Variants in ACACA observed in about 807,000 individuals in gnomAD.
ACACA encodes the protein acetyl-CoA carboxylase 1.
Under a neutral mutation model 296.1 loss-of-function variants are expected in ACACA, and 103 were observed. The observed-to-expected ratio is 0.35, with a 90% CI of 0.30 to 0.41. The LOEUF is 0.41. Ranked by LOEUF, ACACA falls within the 10% of genes least tolerant of loss-of-function variation. The pLI, the probability that ACACA is intolerant of heterozygous loss-of-function variation, is 1.00. For synonymous variants in ACACA, 953 were observed against 1,038.6 expected, an observed-to-expected ratio of 0.92 and a Z score of 1.58; for missense variants, 1,554 against 2,989.7, an observed-to-expected ratio of 0.52 and a Z score of 11.20.
intron 41 of ACACA, among the ~76,000 whole-genome samples, chr17:37,163,597 C>G (rs1458971184): frequency 1.3e-5 from 2 of 152,176 alleles, no homozygotes; most frequent in Admixed American, 6.6e-5. Context: ...TTGTACTGTC[C>G]TCTAGCATTT....
intron 52 of ACACA, among the ~76,000 whole-genome samples, chr17:37,099,398 G>C (rs560671336): frequency 1.8e-4 from 28 of 152,188 alleles, no homozygotes; most frequent in Non-Finnish European, 2.4e-4. Context: ...CCCACACTAA[G>C]GGATGACACA....
chr17:37,199,929 C>T (rs1352585260), intron 35 of ACACA, among the ~76,000 whole-genome samples: 1 of 151,842 alleles, frequency 6.6e-6, no homozygotes, highest in African/African-American at 2.4e-5. Context: ...GTTGCCCAGG[C>T]TCATCTCAAA....
chr17:37,311,515 A>G (rs1364442929), intron 3 of ACACA, among the ~76,000 whole-genome samples: 1 of 152,174 alleles, frequency 6.6e-6, no homozygotes, highest in African/African-American at 2.4e-5. Context: ...AGGTGTTAGA[A>G]GAATTACTAG....
chr17:37,394,601 G>A (rs1390199493), intron 1 of ACACA, among the ~76,000 whole-genome samples: 1 of 151,452 alleles, frequency 6.6e-6, no homozygotes, highest in Non-Finnish European at 1.5e-5. Flanking sequence ...TCTCGGCCGG[G>A]CGCGGTGGCT....
intron 3 of ACACA, among the ~76,000 whole-genome samples, chr17:37,326,982 C>T (rs1273933421): frequency 3.3e-5 from 5 of 152,162 alleles, no homozygotes; most frequent in African/African-American, 1.2e-4. Flanking sequence ...AGCACCTAAA[C>T]TTGAGAGAGA....
chr17:37,160,262 G>A (rs187662120), intron 42 of ACACA, among the ~76,000 whole-genome samples: 2 of 152,302 alleles, frequency 1.3e-5, no homozygotes, highest in East Asian at 1.9e-4. Context: ...AGTGTTGATC[G>A]TACACTTAAG....
At chr17:37,285,611 C>T (rs570026475) in intron 3 of ACACA, among the ~76,000 whole-genome samples, 2 of 150,480 alleles carry the variant, frequency 1.3e-5, no homozygotes, top group South Asian at 2.1e-4. Flanking sequence ...ACCAGGAATT[C>T]GAGACCAGCC....
At chr17:37,238,827 CTAAT>C (rs1320381264) in intron 24 of ACACA, among the ~76,000 whole-genome samples, 4 of 152,100 alleles carry the variant, frequency 2.6e-5, no homozygotes, top group East Asian at 1.9e-4. Context: ...ATTTTATCAA[CTAAT>C]TAATTAATTA....
At chr17:37,259,624 T>A in intron 11 of ACACA, 94 bp from the exon 12 acceptor site, 1 of 1,378,478 alleles carries the variant, frequency 7.3e-7, no homozygotes, top group African/African-American at 1.4e-5. Context: ...TCAGTGTGTA[T>A]AAGAGCCATC....
In ACACA at chr17:37,155,986, T is replaced by C. The variant is rs1418436202; in HGVS notation, c.5350-206A>G. ...TATTTTTTCACTCACTAACTGTCCT[T>C]GAAACAAGACACCTTATAGCTGCAA... On this transcript the variant is annotated intron_variant, in intron 42 of 55. Coordinates refer to ENST00000616317, the MANE Select transcript of ACACA (RefSeq NM_198834.3). 2.6e-5 allele frequency among the ~76,000 whole-genome samples: 4 copies of C among 152,002 alleles called. 1 individual carries two copies. The South Asian group carries it at 8.3e-4, about 32-fold the overall frequency.
chr17:37,317,803 T>C (rs17249662), intron 3 of ACACA, among the ~76,000 whole-genome samples: 5,488 of 152,266 alleles, frequency 0.036, 132 homozygotes, highest in Middle Eastern at 0.11. Flanking sequence ...GCTAAGTTTA[T>C]AGAATGCACT....
At chr17:37,135,055 T>C (rs575971283) in intron 45 of ACACA, among the ~76,000 whole-genome samples, 2 of 152,218 alleles carry the variant, frequency 1.3e-5, no homozygotes, top group South Asian at 4.1e-4. Context: ...AAAAATGCAA[T>C]AGCTCATCTA....
intron 19 of ACACA, 116 bp downstream of exon 19, chr17:37,246,710 G>A: frequency 7.2e-7 from 1 of 1,391,984 alleles, no homozygotes; most frequent in Non-Finnish European, 1.0e-6. Context: ...TAGGATTACA[G>A]GCACAAGCCA....
At position 37,224,973 on chromosome 17, in the gene ACACA, T is replaced by TA; in HGVS notation, c.3474+18dup. 9.1e-7 allele frequency: 1 copy of TA among 1,103,456 alleles called. No homozygotes were observed. The allele number at this position is 1,103,456 out of a possible 1,614,324, so 68.4% of individuals were successfully genotyped here. On this transcript the variant is annotated intron_variant, in intron 27 of 55. Transcript: ENST00000616317. ...CAGATAGGCAGGAAAGGGTTATATA[T>TA]ATATATATATATATATACCTGCAGG...
chr17:37,111,429 T>C, intron 52 of ACACA, 102 bp downstream of exon 52: 1 of 863,502 alleles, frequency 1.2e-6, no homozygotes, highest in Non-Finnish European at 2.0e-6. Context: ...TTATCATGAA[T>C]TTGATCAAAT....
At chr17:37,354,165 T>C (rs2147513733) in intron 1 of ACACA, among the ~76,000 whole-genome samples, 1 of 152,290 alleles carries the variant, frequency 6.6e-6, no homozygotes, top group Middle Eastern at 3.4e-3. Context: ...ACTCCATAAA[T>C]AGTACTGCCA....
At chr17:37,311,090 G>A (rs1475082770) in intron 3 of ACACA, among the ~76,000 whole-genome samples, 4 of 152,200 alleles carry the variant, frequency 2.6e-5, no homozygotes, top group Non-Finnish European at 5.9e-5. Flanking sequence ...CAATACAGTA[G>A]TCATTAGTGG....
chr17:37,151,719 TG>T (rs2076046656), intron 43 of ACACA, among the ~76,000 whole-genome samples: 1 of 152,124 alleles, frequency 6.6e-6, no homozygotes, highest in Admixed American at 6.5e-5. Flanking sequence ...TGGAGTGAAG[TG>T]GTGCAATCAA....
intron 1 of ACACA, chr17:37,386,924 C>G (rs1337669747): frequency 8.4e-6 from 1 of 119,440 alleles, no homozygotes; most frequent in Non-Finnish European, 2.0e-5. Flanking sequence ...CTCAAGTGAT[C>G]CCCCCACCTC....
Sources: allele counts gnomAD v4.1 joint callset (sites outside exome capture counted in the v4.1 genomes callset), GRCh38; gene constraint gnomAD v4.1.1; transcripts MANE v1.5; gene names NCBI Gene and HGNC (gene_info 2026-07-23, HGNC 2026-07-21).